PRKG1: variants seen among roughly 807,000 people sequenced by gnomAD.
PRKG1 encodes the protein protein kinase cGMP-dependent 1.
PRKG1 carries 35 observed loss-of-function variants against 88.1 expected under a neutral mutation model. That is an observed-to-expected ratio of 0.40 (90% CI 0.30 to 0.53). PRKG1 has a LOEUF of 0.53. Ranked by LOEUF, PRKG1 falls within the 20% of genes least tolerant of loss-of-function variation. The probability of loss-of-function intolerance (pLI) is 0.59; values close to 1 mark genes in which losing one functional copy is unlikely to be tolerated. For missense variants in PRKG1, 540 were observed against 839.8 expected (o/e 0.64, Z 4.41); for synonymous variants, 303 against 292.5 (o/e 1.04, Z -0.37).
intron 2 of PRKG1, among the ~76,000 whole-genome samples, chr10:51,185,485 T>A (rs1837461994): frequency 6.6e-6 from 1 of 152,112 alleles, no homozygotes; most frequent in African/African-American, 2.4e-5. Flanking sequence ...ACTTTTTAAA[T>A]TATAAAAGAA....
chr10:52,290,671 T>C (rs945964395), intron 17 of PRKG1, among the ~76,000 whole-genome samples: 1 of 151,978 alleles, frequency 6.6e-6, no homozygotes, highest in Non-Finnish European at 1.5e-5. Flanking sequence ...GACAACATAG[T>C]GAGACTCTGT....
At chr10:51,611,015 A>C (rs1838892265) in intron 3 of PRKG1, among the ~76,000 whole-genome samples, 1 of 152,062 alleles carries the variant, frequency 6.6e-6, no homozygotes, top group African/African-American at 2.4e-5. Context: ...CTATGTAACA[A>C]ACCTGCACAT....
intron 3 of PRKG1, among the ~76,000 whole-genome samples, chr10:51,585,476 C>T (rs181249041): frequency 6.6e-6 from 1 of 151,980 alleles, no homozygotes; most frequent in Non-Finnish European, 1.5e-5. Flanking sequence ...TTTAATATTA[C>T]CTACAGATGG....
intron 5 of PRKG1, chr10:51,909,493 G>A (rs772809457): frequency 1.3e-5 from 2 of 151,976 alleles, no homozygotes; most frequent in Non-Finnish European, 2.9e-5. Context: ...TTACATATAC[G>A]AAGACATATG....
chr10:52,196,252 A>G lies in PRKG1; in HGVS notation c.1076+34289A>G, dbSNP rs184889341. Among the ~76,000 whole-genome samples, 399 of 152,112 alleles carry G rather than the reference A, an allele frequency of 2.6e-3. 3 individuals are homozygous for G. The highest frequency in any genetic ancestry group is 0.021 in the East Asian group (107 of 5,156). ...AGGATGGTCTCGATCTCCTGACCTC[A>G]TGATCCGCCCTCCTCAGCCTCCCAA... is the stretch of plus-strand genomic sequence containing the variant. On this transcript the variant is annotated intron_variant, in intron 9 of 17. Coordinates refer to ENST00000373980, the MANE Select transcript of PRKG1 (RefSeq NM_006258.4).
intron 9 of PRKG1, among the ~76,000 whole-genome samples, chr10:52,219,465 CT>C (rs2132820908): frequency 6.6e-6 from 1 of 152,274 alleles, no homozygotes; most frequent in Non-Finnish European, 1.5e-5. Context: ...CAACATCTCA[CT>C]TTGCATATTC....
At chr10:51,205,127 C>CT (rs58176913) in intron 2 of PRKG1, among the ~76,000 whole-genome samples, 1,225 of 63,900 alleles carry the variant, frequency 0.019, 133 homozygotes, top group Non-Finnish European at 0.027. Context: ...ATTTTCTTTT[C>CT]TTTTTTTTTT....
chr10:51,897,991 A>G (rs1841892268), intron 4 of PRKG1, among the ~76,000 whole-genome samples: 2 of 151,668 alleles, frequency 1.3e-5, no homozygotes, highest in East Asian at 3.9e-4. Context: ...TTGTGACCTG[A>G]CCCCACCCTT....
At chr10:52,162,220 A>G (rs1210940303) in intron 9 of PRKG1, among the ~76,000 whole-genome samples, 3 of 152,260 alleles carry the variant, frequency 2.0e-5, no homozygotes, top group Middle Eastern at 3.4e-3. Flanking sequence ...AAAATCTAAT[A>G]TAAACAATTA....
chr10:52,109,304 G>C (rs767082268), intron 7 of PRKG1, among the ~76,000 whole-genome samples: 3 of 151,962 alleles, frequency 2.0e-5, no homozygotes, highest in Non-Finnish European at 4.4e-5. Context: ...TACTTAACCC[G>C]CATTTTTCTA....
intron 7 of PRKG1, among the ~76,000 whole-genome samples, chr10:52,064,928 A>G (rs1014162827): frequency 4.6e-5 from 7 of 152,184 alleles, no homozygotes; most frequent in African/African-American, 1.7e-4. Flanking sequence ...CATAATTGTC[A>G]TCACTCTTAT....
In PRKG1 at chr10:50,991,672, G is replaced by A; in HGVS notation, c.266+28G>A. ...AGGCGCGGAGGCCGTGGGCCCGGGCGCTCGTCCCGGCCCGCGGCGCAGAGG... is the reference window on the plus strand; with the variant it reads ...AGGCGCGGAGGCCGTGGGCCCGGGCACTCGTCCCGGCCCGCGGCGCAGAGG... On this transcript the variant is annotated intron_variant, in intron 1 of 17. Coordinates refer to the PRKG1 transcript ENST00000401604. The surrounding 1 kb of genome is among the most constrained non-coding windows in gnomAD (Gnocchi z 4.5). 1.4e-6 allele frequency: 2 copies of A among 1,436,450 alleles called. No individual in the cohort carries two copies. The highest frequency in any genetic ancestry group is 1.8e-6 in the Non-Finnish European group (2 of 1,089,216). The allele number at this position is 1,436,450 out of a possible 1,614,324, so 89.0% of individuals were successfully genotyped here.
Position 51,115,910 on chromosome 10 carries a change from GAGAA to G in PRKG1, c.312-37253_312-37250del, listed in dbSNP as rs1477588396. 3.3e-5 allele frequency among the ~76,000 whole-genome samples: 5 copies of G among 151,544 alleles called. No homozygotes were observed. The South Asian group carries it at 8.3e-4, about 25-fold the overall frequency. ...TAAGAATTGTCATAGTGCAAACATA[GAGAA>G]GAAATCAGGGGCAAAGGGTAGCAAT... On this transcript the variant is annotated intron_variant, in intron 1 of 17. Coordinates refer to ENST00000373980, the MANE Select transcript of PRKG1 (RefSeq NM_006258.4).
At chr10:51,422,225 C>T (rs1838436191) in intron 2 of PRKG1, among the ~76,000 whole-genome samples, 1 of 152,150 alleles carries the variant, frequency 6.6e-6, no homozygotes, top group Non-Finnish European at 1.5e-5. Context: ...TGATTATTAA[C>T]CACAATAGTT....
chr10:52,234,510 T>A (rs1043716713), intron 9 of PRKG1, among the ~76,000 whole-genome samples: 5 of 150,478 alleles, frequency 3.3e-5, no homozygotes, highest in Admixed American at 3.3e-4. Context: ...GAGAACTACG[T>A]GAAGAATGCA....
At chr10:51,385,717 G>T (rs918088427) in intron 2 of PRKG1, among the ~76,000 whole-genome samples, 6 of 152,088 alleles carry the variant, frequency 3.9e-5, no homozygotes, top group Admixed American at 2.0e-4. Context: ...GCCCCCATGG[G>T]GTTTTTAGCC....
chr10:51,026,622 G>A (rs73322629), intron 1 of PRKG1, among the ~76,000 whole-genome samples: 4,285 of 152,184 alleles, frequency 0.028, 78 homozygotes, highest in African/African-American at 0.042. Context: ...GCTGAGATGT[G>A]GCTTAAATTT....
At position 51,987,764 on chromosome 10, in the gene PRKG1, G is replaced by A. The variant is rs79004847; in HGVS notation, c.763-66720G>A. 5.7e-3 allele frequency among the ~76,000 whole-genome samples: 866 copies of A among 152,102 alleles called. 1 individual carries two copies. The highest frequency in any genetic ancestry group is 0.01 in the Non-Finnish European group (680 of 67,950). On this transcript the variant is annotated intron_variant, in intron 5 of 17. Coordinates refer to ENST00000373980, the MANE Select transcript of PRKG1 (RefSeq NM_006258.4). ...CATAATTTCATGTCAGTGTATGTGT[G>A]TCTGTGTTTATTTGTGTACATTTAT...
chr10:52,147,757 A>T (rs930901623), intron 8 of PRKG1, among the ~76,000 whole-genome samples: 2 of 152,160 alleles, frequency 1.3e-5, no homozygotes, highest in Admixed American at 6.6e-5. Context: ...GGTAGACCGG[A>T]TGGGCTTGGG....
Sources: gnomAD v4.1 joint callset for allele counts (sites outside exome capture counted in the v4.1 genomes callset) on GRCh38, gnomAD v4.1.1 for gene constraint, Gnocchi (gnomAD v3.1) non-coding constraint, MANE v1.5 for transcripts, NCBI Gene and HGNC (gene_info 2026-07-23, HGNC 2026-07-21) for gene names.